PKHD1L1: variants seen among roughly 807,000 people sequenced by gnomAD.
PKHD1L1 encodes the protein PKHD1 like 1, also known as fibrocystin-L.
Under a neutral mutation model 462.9 loss-of-function variants are expected in PKHD1L1, and 434 were observed. That is an observed-to-expected ratio of 0.94 (90% CI 0.87 to 1.02). PKHD1L1 has a LOEUF of 1.02. PKHD1L1 is among the 50% of genes least tolerant of loss of function. The probability of loss-of-function intolerance (pLI) is 0.00; values close to 1 mark genes in which losing one functional copy is unlikely to be tolerated. For synonymous variants in PKHD1L1, 1,781 were observed against 1,750.0 expected (o/e 1.02, Z -0.44); for missense variants, 5,202 against 5,096.1 (o/e 1.02, Z -0.63).
chr8:109,424,944 G>A, intron 23 of PKHD1L1, 141 bp from the exon 24 acceptor site: 2 of 664,048 alleles, frequency 3.0e-6, no homozygotes, highest in Non-Finnish European at 4.7e-6. Flanking sequence ...TGATTTATGT[G>A]ACACTCCTTA....
intron 71 of PKHD1L1, among the ~76,000 whole-genome samples, chr8:109,511,636 A>G (rs1819989837): frequency 6.6e-6 from 1 of 152,006 alleles, no homozygotes; most frequent in South Asian, 2.1e-4. Context: ...GCTATTGTGA[A>G]TAGTGCCACA....
rs765467695 is a variant in PKHD1L1, at chr8:109,406,460, ACATTCATATCAACT to A, written c.1796_1809del (p.Thr599LysfsTer5). ...TCCCCAGAGCTATGTCTACATGGTA[ACATTCATATCAACT>A]AGAGGTAAGCATGTACTTAATTTTG... On this transcript the variant is annotated frameshift_variant, in exon 17 of 78. Transcript: ENST00000378402. LOFTEE classifies it high-confidence loss of function. 6.2e-7 allele frequency: 1 copy of A among 1,602,196 alleles called. No homozygotes were observed. Among genetic ancestry groups the A allele is most frequent in the Non-Finnish European group, 8.5e-7 (1 of 1,174,144 alleles).
chr8:109,397,983 T>C (rs1813064628), intron 11 of PKHD1L1, among the ~76,000 whole-genome samples: 1 of 152,188 alleles, frequency 6.6e-6, no homozygotes, highest in Non-Finnish European at 1.5e-5. Context: ...AGTCTGTCTG[T>C]GAAAATGCCA....
intron 5 of PKHD1L1, among the ~76,000 whole-genome samples, chr8:109,384,624 A>G (rs991244614): frequency 1.3e-5 from 2 of 151,670 alleles, no homozygotes; most frequent in Non-Finnish European, 2.9e-5. Flanking sequence ...CACCCCCACC[A>G]CTTATACATT....
intron 76 of PKHD1L1, among the ~76,000 whole-genome samples, chr8:109,524,020 C>A (rs564864703): frequency 1.3e-5 from 2 of 152,286 alleles, no homozygotes; most frequent in East Asian, 3.9e-4. Context: ...ATACTATCTT[C>A]ATATAGGTTG....
chr8:109,436,956 A>C (rs139535430), intron 30 of PKHD1L1, among the ~76,000 whole-genome samples: 7 of 152,340 alleles, frequency 4.6e-5, no homozygotes, highest in African/African-American at 1.7e-4. Flanking sequence ...TCACTCTGTC[A>C]CCAGTCTGTA....
At chr8:109,461,744 T>A (rs570114298) in intron 47 of PKHD1L1, 28 bp from the exon 48 acceptor site, 68 of 1,590,396 alleles carry the variant, frequency 4.3e-5, no homozygotes, top group African/African-American at 3.2e-4. Flanking sequence ...ACAATTTTTT[T>A]AATGATGCTT....
rs773191246 is a variant in PKHD1L1 at position 109,413,486 on chromosome 8, T to A, written c.2301T>A (p.Asn767Lys). Residue 767 changes from asparagine to lysine, a missense_variant, in exon 21 of 78, where the codon AAT becomes AAA. Around this residue, in one of 3 missense-constraint regions of PKHD1L1, gnomAD observed 4,497 missense variants for 4,336.8 expected, o/e 1.04. Coordinates refer to ENST00000378402, the MANE Select transcript of PKHD1L1 (RefSeq NM_177531.6). ...YIGLKFQYQDNSKITRSTDTQ... is the reference protein window; with the variant it reads ...YIGLKFQYQDKSKITRSTDTQ... Reference sequence around the variant, plus strand: ...GTCTAAAATTTCAGTACCAAGACAATAGCAAGATTACTAGAAGCACTGATA... The same window carrying A: ...GTCTAAAATTTCAGTACCAAGACAAAAGCAAGATTACTAGAAGCACTGATA... 2.5e-6 allele frequency: 4 copies of A among 1,579,596 alleles called. No individual in the cohort carries two copies. The highest frequency in any genetic ancestry group is 3.4e-6 in the Non-Finnish European group (4 of 1,161,512).
intron 75 of PKHD1L1, 135 bp downstream of exon 75, chr8:109,523,025 C>A: frequency 1.9e-6 from 2 of 1,071,794 alleles, no homozygotes; most frequent in Non-Finnish European, 1.3e-6. Flanking sequence ...GACTAATATC[C>A]AAGGATACCA....
chr8:109,455,830 A>T (rs1162470053), intron 45 of PKHD1L1, among the ~76,000 whole-genome samples: 1 of 152,160 alleles, frequency 6.6e-6, no homozygotes, highest in African/African-American at 2.4e-5. Flanking sequence ...TTATCATAAA[A>T]GTCCTACATA....
At position 109,420,627 on chromosome 8, in the gene PKHD1L1, T is replaced by G. The variant is rs368642846; in HGVS notation, c.2634T>G (p.Ser878=). 4 of 1,608,890 alleles carry G rather than the reference T, an allele frequency of 2.5e-6. No individual in the cohort carries two copies. The African/African-American group carries it at 5.4e-5, about 22-fold the overall frequency. Residue 878 remains serine, a synonymous_variant, in exon 23 of 78, where the codon TCT becomes TCG. Transcript: ENST00000378402. ...TNGPTMTNQY[S]VTMTSYNCSY... is the part of the protein sequence containing the mutation. ...GGCCAACTATGACAAACCAATATTC[T>G]GTTACCATGACTTCATACAATTGCA...
In PKHD1L1 at chr8:109,384,973, A is replaced by G. The variant is rs1812360531; in HGVS notation, c.476-564A>G. On this transcript the variant is annotated intron_variant, in intron 5 of 77. Coordinates refer to ENST00000378402, the MANE Select transcript of PKHD1L1 (RefSeq NM_177531.6). ...ACCATTTATATGTTATATGTAAGAC[A>G]TATATTTTGAATTTATCATTTACTT... is the stretch of plus-strand genomic sequence containing the variant. Among the ~76,000 whole-genome samples the G allele has an allele frequency of 2.0e-5, 3 of 152,086 alleles. No individual in the cohort carries two copies. The South Asian group carries it at 6.2e-4, about 32-fold the overall frequency.
intron 48 of PKHD1L1, among the ~76,000 whole-genome samples, chr8:109,462,731 G>A (rs1204116323): frequency 1.3e-5 from 2 of 151,930 alleles, no homozygotes; most frequent in African/African-American, 2.4e-5. Context: ...TAGTAGAGAC[G>A]GAGTTTCACC....
intron 59 of PKHD1L1, 130 bp downstream of exon 59, chr8:109,486,951 T>A: frequency 2.1e-6 from 2 of 934,446 alleles, no homozygotes; most frequent in Non-Finnish European, 3.1e-6. Context: ...AAAGTGATTA[T>A]GTAGCCCAGT....
intron 55 of PKHD1L1, 103 bp from the exon 56 acceptor site, chr8:109,481,330 T>A: frequency 9.3e-7 from 1 of 1,071,638 alleles, no homozygotes; most frequent in Non-Finnish European, 1.3e-6. Flanking sequence ...CAAAACTCAT[T>A]CCTTTTTACT....
chr8:109,488,642 A>G (rs1410671279), intron 59 of PKHD1L1, among the ~76,000 whole-genome samples: 1 of 151,978 alleles, frequency 6.6e-6, no homozygotes, highest in African/African-American at 2.4e-5. Flanking sequence ...TCGTTTTGCA[A>G]CAGATCTATT....
chr8:109,524,694 T>C (rs1412471075), intron 76 of PKHD1L1, among the ~76,000 whole-genome samples: 3 of 152,228 alleles, frequency 2.0e-5, no homozygotes. Flanking sequence ...TTAAGTTTTT[T>C]TTCAGAATTC....
chr8:109,483,641 A>T (rs116454162), intron 57 of PKHD1L1, among the ~76,000 whole-genome samples: 1 of 150,544 alleles, frequency 6.6e-6, no homozygotes, highest in Non-Finnish European at 1.5e-5. Context: ...GTCATATTTT[A>T]TGCCAATGTA....
At chr8:109,427,975 C>T (rs1293764311) in intron 25 of PKHD1L1, among the ~76,000 whole-genome samples, 1 of 137,326 alleles carries the variant, frequency 7.3e-6, no homozygotes, top group Non-Finnish European at 1.5e-5. Context: ...CGAGATTGTG[C>T]CATTGCCATT....
Sources: gnomAD v4.1 joint callset for allele counts (sites outside exome capture counted in the v4.1 genomes callset) on GRCh38, gnomAD v4.1.1 for gene constraint, gnomAD v4.1.1 regional missense constraint, MANE v1.5 for transcripts, NCBI Gene and HGNC (gene_info 2026-07-23, HGNC 2026-07-21) for gene names.